Variants in NLGN1 observed in about 807,000 individuals in gnomAD.
NLGN1 encodes the protein neuroligin-1.
In NLGN1, 12 loss-of-function variants were observed where a neutral mutation model predicts 65.5. The observed-to-expected ratio is 0.18, with a 90% CI of 0.12 to 0.30. The LOEUF is 0.30. Among genes scored for constraint, NLGN1 ranks in the 10% least tolerant of loss-of-function variants. The probability of loss-of-function intolerance (pLI) is 1.00; values close to 1 mark genes in which losing one functional copy is unlikely to be tolerated. For synonymous variants in NLGN1, 350 were observed against 359.5 expected (o/e 0.97, Z 0.30); for missense variants, 750 against 1,007.1 (o/e 0.74, Z 3.46).
At chr3:173,634,654 G>T (rs896525112) in intron 3 of NLGN1, among the ~76,000 whole-genome samples, 1 of 152,062 alleles carries the variant, frequency 6.6e-6, no homozygotes, top group Non-Finnish European at 1.5e-5. Context: ...ATTTTTAAAT[G>T]CATAGTATTA....
At chr3:173,737,270 T>C (rs1400525062) in intron 3 of NLGN1, among the ~76,000 whole-genome samples, 1 of 152,020 alleles carries the variant, frequency 6.6e-6, no homozygotes, top group Non-Finnish European at 1.5e-5. Context: ...TTAATTTGCT[T>C]ACCAGACAAT....
chr3:173,875,363 A>G (rs1731924706), intron 4 of NLGN1, among the ~76,000 whole-genome samples: 1 of 152,230 alleles, frequency 6.6e-6, no homozygotes, highest in Non-Finnish European at 1.5e-5. Flanking sequence ...ACCACTGGAC[A>G]CTGAATATCT....
At chr3:174,125,306 C>A (rs1310270771) in intron 4 of NLGN1, among the ~76,000 whole-genome samples, 3 of 151,884 alleles carry the variant, frequency 2.0e-5, no homozygotes, top group Non-Finnish European at 2.9e-5. Context: ...CACTAGGTTG[C>A]AGCAGGGGAA....
intron 2 of NLGN1, among the ~76,000 whole-genome samples, chr3:173,497,192 T>C (rs1221789861): frequency 6.6e-6 from 1 of 151,808 alleles, no homozygotes; most frequent in Non-Finnish European, 1.5e-5. Context: ...GAGACCAGCC[T>C]GGCCAATATG....
chr3:174,066,764 T>G (rs1274803615), intron 4 of NLGN1, among the ~76,000 whole-genome samples: 2 of 152,138 alleles, frequency 1.3e-5, no homozygotes, highest in Non-Finnish European at 2.9e-5. Context: ...AGGTGTGATT[T>G]GGCAGGACCT....
At chr3:173,749,965 G>A (rs1046164530) in intron 3 of NLGN1, among the ~76,000 whole-genome samples, 3 of 152,072 alleles carry the variant, frequency 2.0e-5, no homozygotes, top group African/African-American at 7.2e-5. Context: ...AAGGTAAACA[G>A]TTCCCAAACT....
chr3:174,265,948 G>A (rs1324321423), intron 4 of NLGN1, among the ~76,000 whole-genome samples: 1 of 146,982 alleles, frequency 6.8e-6, no homozygotes, highest in Non-Finnish European at 1.5e-5. Flanking sequence ...ATGTATATAT[G>A]TGTATGTGTA....
intron 4 of NLGN1, among the ~76,000 whole-genome samples, chr3:173,924,825 A>T (rs1907578): frequency 0.21 from 31,941 of 152,006 alleles, 3,557 homozygotes; most frequent in East Asian, 0.32. Flanking sequence ...ATAAACCACT[A>T]ACTTGAACCC....
intron 2 of NLGN1, among the ~76,000 whole-genome samples, chr3:173,469,456 A>G (rs375126868): frequency 5.9e-5 from 9 of 152,138 alleles, no homozygotes; most frequent in African/African-American, 9.6e-5. Context: ...GCCATTGCAT[A>G]TTTAGTTGGC....
At chr3:173,678,032 T>C (rs1486559643) in intron 3 of NLGN1, among the ~76,000 whole-genome samples, 2 of 152,168 alleles carry the variant, frequency 1.3e-5, no homozygotes, top group African/African-American at 4.8e-5. Context: ...GCATTGTGTA[T>C]GTGCAGTTTC....
At chr3:173,671,216 C>A (rs1422808196) in intron 3 of NLGN1, among the ~76,000 whole-genome samples, 1 of 152,120 alleles carries the variant, frequency 6.6e-6, no homozygotes, top group Non-Finnish European at 1.5e-5. Context: ...AATTGAATCC[C>A]TTGCCCAGGC....
chr3:173,933,030 G>C (rs1455688273), intron 4 of NLGN1, among the ~76,000 whole-genome samples: 1 of 152,140 alleles, frequency 6.6e-6, no homozygotes, highest in Admixed American at 6.6e-5. Context: ...AGAATCACAA[G>C]AAGTCCTAAA....
chr3:173,847,742 T>A (rs946284637), intron 4 of NLGN1, among the ~76,000 whole-genome samples: 1 of 152,110 alleles, frequency 6.6e-6, no homozygotes, highest in African/African-American at 2.4e-5. Context: ...TGTGGTGGCA[T>A]GCGCCTGTAG....
chr3:174,147,908 T>G (rs1723643055), intron 4 of NLGN1, among the ~76,000 whole-genome samples: 1 of 152,150 alleles, frequency 6.6e-6, no homozygotes, highest in African/African-American at 2.4e-5. Flanking sequence ...TTATTATACT[T>G]TAAACATAAA....
At chr3:173,959,544 T>C (rs1713028455) in intron 4 of NLGN1, among the ~76,000 whole-genome samples, 1 of 152,194 alleles carries the variant, frequency 6.6e-6, no homozygotes, top group Admixed American at 6.5e-5. Context: ...TATAGTTTTT[T>C]CCCATTATCT....
chr3:174,283,755 A>G (rs1229362335), exon 7 of NLGN1: 1 of 151,470 alleles, frequency 6.6e-6, no homozygotes, highest in African/African-American at 2.4e-5. Flanking sequence ...ATCCAGAGTG[A>G]TCTACATACA....
intron 4 of NLGN1, among the ~76,000 whole-genome samples, chr3:173,907,687 C>T (rs1032483796): frequency 2.0e-5 from 3 of 150,376 alleles, no homozygotes; most frequent in African/African-American, 2.5e-5. Context: ...CAGGTTCAAG[C>T]GATTCTCCTG....
At chr3:174,112,416 T>C (rs1715435284) in intron 4 of NLGN1, among the ~76,000 whole-genome samples, 1 of 152,000 alleles carries the variant, frequency 6.6e-6, no homozygotes, top group African/African-American at 2.4e-5. Context: ...AGTTTGAACT[T>C]CTTGGATAGA....
In NLGN1 at chr3:174,164,096, T is replaced by C. The variant is rs549890583; in HGVS notation, c.647-111219T>C. On this transcript the variant is annotated intron_variant, in intron 4 of 6. Transcript: ENST00000457714. The stretch of plus-strand genomic sequence containing the variant: ...TTCTCCACAGCCTCATCAGCATCTG[T>C]TGTTTTTTCTTTTTGACTTTTTCAT... 1.9e-4 allele frequency among the ~76,000 whole-genome samples: 29 copies of C among 152,180 alleles called. No individual in the cohort carries two copies. The South Asian group carries it at 4.1e-3, about 22-fold the overall frequency.
Sources: gnomAD v4.1 joint callset for allele counts (sites outside exome capture counted in the v4.1 genomes callset) on GRCh38, gnomAD v4.1.1 for gene constraint, MANE v1.5 for transcripts, NCBI Gene and HGNC (gene_info 2026-07-23, HGNC 2026-07-21) for gene names.